TAFA2: variants seen among roughly 807,000 people sequenced by gnomAD.
The protein encoded by TAFA2 is TAFA chemokine like family member 2, also known as chemokine-like protein TAFA-2.
TAFA2 carries 7 observed loss-of-function variants against 18.8 expected under a neutral mutation model. That is an observed-to-expected ratio of 0.37 (90% CI 0.21 to 0.70). The LOEUF (loss-of-function observed/expected upper bound fraction) is 0.70. Among genes scored for constraint, TAFA2 ranks in the 30% least tolerant of loss-of-function variants. The pLI, the probability that TAFA2 is intolerant of heterozygous loss-of-function variation, is 0.53. For missense variants in TAFA2, 122 were observed against 158.1 expected, an observed-to-expected ratio of 0.77 and a Z score of 1.23; for synonymous variants, 60 against 54.2, an observed-to-expected ratio of 1.11 and a Z score of -0.47.
At chr12:61,745,416 C>T (rs1319976439) in intron 4 of TAFA2, among the ~76,000 whole-genome samples, 1 of 152,030 alleles carries the variant, frequency 6.6e-6, no homozygotes, top group Non-Finnish European at 1.5e-5. Flanking sequence ...GCAAAGCTCT[C>T]ATCTCAGGTA....
At chr12:61,864,390 T>G (rs2121209597) in intron 2 of TAFA2, among the ~76,000 whole-genome samples, 1 of 148,938 alleles carries the variant, frequency 6.7e-6, no homozygotes, top group African/African-American at 2.5e-5. Context: ...CATATAGAAA[T>G]ATATGGTGTG....
At chr12:61,920,569 G>T (rs938918077) in intron 1 of TAFA2, among the ~76,000 whole-genome samples, 4 of 152,026 alleles carry the variant, frequency 2.6e-5, no homozygotes, top group African/African-American at 9.7e-5. Context: ...CAAATGTATT[G>T]TTCCTTGTTA....
chr12:61,952,679 G>A (rs757000232), intron 1 of TAFA2, among the ~76,000 whole-genome samples: 9 of 151,960 alleles, frequency 5.9e-5, no homozygotes, highest in Non-Finnish European at 8.8e-5. Context: ...TATCTATACC[G>A]TAGTTTTCCA....
chr12:62,245,442 T>C (rs887121020), intron 1 of TAFA2, among the ~76,000 whole-genome samples: 1 of 151,880 alleles, frequency 6.6e-6, no homozygotes, highest in African/African-American at 2.4e-5. Context: ...GCAGATTATC[T>C]TGAATTTCCA....
intron 1 of TAFA2, among the ~76,000 whole-genome samples, chr12:61,871,457 C>T (rs955808063): frequency 1.3e-5 from 2 of 152,114 alleles, no homozygotes; most frequent in African/African-American, 4.8e-5. Context: ...AGAACTGCCA[C>T]ATTCATTTGT....
intron 1 of TAFA2, among the ~76,000 whole-genome samples, chr12:62,032,069 G>A (rs2136747115): frequency 6.6e-6 from 1 of 152,234 alleles, no homozygotes; most frequent in Admixed American, 6.5e-5. Context: ...AAATTTGGCT[G>A]AAAAGTGCAC....
chr12:61,834,306 A>G (rs1872832195), intron 2 of TAFA2, among the ~76,000 whole-genome samples: 1 of 152,064 alleles, frequency 6.6e-6, no homozygotes, highest in African/African-American at 2.4e-5. Context: ...CTGGCCGCAT[A>G]AGCAGGAAGT....
At position 61,808,815 on chromosome 12, in the gene TAFA2, C is replaced by T. The variant is rs144826448; in HGVS notation, c.107-53791G>A. 1.2e-3 allele frequency among the ~76,000 whole-genome samples: 187 copies of T among 151,418 alleles called. 8 individuals are homozygous for T. The highest frequency in any genetic ancestry group is 4.0e-3 in the African/African-American group (165 of 40,760). On this transcript the variant is annotated intron_variant, in intron 2 of 4. Transcript: ENST00000416284. ...CTTTGCACAGTGCCTGCAGCGCATA[C>T]GGAATCAGCAAATGTTTATTAAATG...
chr12:61,885,126 T>G (rs1230550168), intron 1 of TAFA2, among the ~76,000 whole-genome samples: 1 of 152,118 alleles, frequency 6.6e-6, no homozygotes, highest in Admixed American at 6.5e-5. Context: ...ATTATAAAAA[T>G]AAGAAAACTG....
chr12:61,989,717 G>A (rs1416340843), intron 1 of TAFA2, among the ~76,000 whole-genome samples: 2 of 152,148 alleles, frequency 1.3e-5, no homozygotes, highest in South Asian at 2.1e-4. Flanking sequence ...AAGCAAATGT[G>A]TAGAAGTGCT....
chr12:62,097,986 T>G (rs1381978103), intron 1 of TAFA2, among the ~76,000 whole-genome samples: 1 of 152,164 alleles, frequency 6.6e-6, no homozygotes, highest in Non-Finnish European at 1.5e-5. Flanking sequence ...TAAAAAGAGA[T>G]AGTTTCATGG....
chr12:62,178,927 C>T (rs1168980095), intron 1 of TAFA2, among the ~76,000 whole-genome samples: 1 of 152,146 alleles, frequency 6.6e-6, no homozygotes, highest in Non-Finnish European at 1.5e-5. Context: ...TGAATTCAAA[C>T]CTGCCTCTGG....
chr12:61,824,941 T>G (rs148504228), intron 2 of TAFA2, among the ~76,000 whole-genome samples: 1 of 152,172 alleles, frequency 6.6e-6, no homozygotes, highest in African/African-American at 2.4e-5. Flanking sequence ...ATAAATGCAA[T>G]GCATCAAAGT....
chr12:61,891,335 T>C, intron 1 of TAFA2, among the ~76,000 whole-genome samples: 1 of 152,064 alleles, frequency 6.6e-6, no homozygotes, highest in Middle Eastern at 3.4e-3. Flanking sequence ...GCAGAATCAA[T>C]AGAAGAATCA....
At chr12:62,234,757 G>T in intron 1 of TAFA2, 1 of 1,088,754 alleles carries the variant, frequency 9.2e-7, no homozygotes, top group Non-Finnish European at 1.4e-6. Context: ...CTGGAGTTCT[G>T]CTCTGCTGTC....
intron 1 of TAFA2, among the ~76,000 whole-genome samples, chr12:62,156,587 T>C (rs2062371116): frequency 6.6e-6 from 1 of 152,068 alleles, no homozygotes; most frequent in Non-Finnish European, 1.5e-5. Context: ...AACTGTAATA[T>C]ATATATAATA....
chr12:62,167,117 C>CA (rs2062446105), intron 1 of TAFA2, among the ~76,000 whole-genome samples: 1 of 151,756 alleles, frequency 6.6e-6, no homozygotes, highest in African/African-American at 2.4e-5. Flanking sequence ...TATCAGTTAT[C>CA]TAAGGTATTG....
At chr12:61,920,910 A>C (rs1307613187) in intron 1 of TAFA2, among the ~76,000 whole-genome samples, 1 of 152,068 alleles carries the variant, frequency 6.6e-6, no homozygotes, top group Non-Finnish European at 1.5e-5. Flanking sequence ...GAAGAGATTC[A>C]GACTTAAAGA....
intron 2 of TAFA2, among the ~76,000 whole-genome samples, chr12:61,756,649 T>C (rs1031197742): frequency 6.6e-6 from 1 of 152,008 alleles, no homozygotes; most frequent in Admixed American, 6.6e-5. Flanking sequence ...GCACCCACGG[T>C]AATAATTAAG....
Sources: gnomAD v4.1 joint callset for allele counts (sites outside exome capture counted in the v4.1 genomes callset) on GRCh38, gnomAD v4.1.1 for gene constraint, MANE v1.5 for transcripts, NCBI Gene and HGNC (gene_info 2026-07-23, HGNC 2026-07-21) for gene names.